APP: variants seen among roughly 807,000 people sequenced by gnomAD.
APP encodes the protein amyloid-beta precursor protein.
Under a neutral mutation model 101.4 loss-of-function variants are expected in APP, and 31 were observed. The observed-to-expected ratio is 0.31, with a 90% confidence interval of 0.23 to 0.41. The LOEUF (loss-of-function observed/expected upper bound fraction) is 0.41. Among genes scored for constraint, APP ranks in the 10% least tolerant of loss-of-function variants. The pLI is 1.00. For missense variants in APP, 839 were observed against 1,003.7 expected (o/e 0.84, Z 2.22); for synonymous variants, 366 against 364.4 (o/e 1.00, Z -0.05).
chr21:25,947,005 A>G (rs992276973), intron 13 of APP, among the ~76,000 whole-genome samples: 6 of 152,234 alleles, frequency 3.9e-5, no homozygotes, highest in Non-Finnish European at 7.3e-5. Context: ...TAGAAAGTGT[A>G]TTCTTTTTAA....
At chr21:26,161,358 A>G (rs2063489083) in intron 1 of APP, among the ~76,000 whole-genome samples, 1 of 152,202 alleles carries the variant, frequency 6.6e-6, no homozygotes, top group South Asian at 2.1e-4. Flanking sequence ...ACAATACTAC[A>G]GAAACTATTG....
At chr21:26,058,525 G>A (rs1378670383) in intron 3 of APP, among the ~76,000 whole-genome samples, 6 of 152,188 alleles carry the variant, frequency 3.9e-5, no homozygotes, top group Admixed American at 3.9e-4. Context: ...CTTTTCAAAA[G>A]ACAGACAGAA....
chr21:25,991,200 C>T (rs1035991543), intron 8 of APP, among the ~76,000 whole-genome samples: 3 of 151,126 alleles, frequency 2.0e-5, no homozygotes, highest in Non-Finnish European at 4.4e-5. Flanking sequence ...TAAAAAACTA[C>T]GTATTGGGTA....
chr21:25,911,546 ATATAT>A (rs2039068790), intron 14 of APP, among the ~76,000 whole-genome samples, 190 bp downstream of exon 14: 1 of 152,208 alleles, frequency 6.6e-6, no homozygotes, highest in East Asian at 1.9e-4. Context: ...ATTTACACAG[ATATAT>A]TATTTTAATG....
chr21:26,014,061 A>G (rs759240722), intron 6 of APP, among the ~76,000 whole-genome samples: 1 of 152,280 alleles, frequency 6.6e-6, no homozygotes, highest in East Asian at 1.9e-4. Context: ...TTCAAAACAC[A>G]AAGGTAAAGG....
At chr21:25,909,246 G>A (rs181007587) in intron 14 of APP, among the ~76,000 whole-genome samples, 2,105 of 132,058 alleles carry the variant, frequency 0.016, 21 homozygotes, top group Middle Eastern at 0.054. Flanking sequence ...CAGCCTGGGC[G>A]ACAGAGCGAG....
intron 3 of APP, among the ~76,000 whole-genome samples, chr21:26,070,397 A>T (rs2046625344): frequency 6.6e-6 from 1 of 152,188 alleles, no homozygotes; most frequent in Non-Finnish European, 1.5e-5. Flanking sequence ...AAGAAGGTTT[A>T]AGTACATTAA....
At chr21:26,094,689 A>G (rs1411957312) in intron 2 of APP, among the ~76,000 whole-genome samples, 1 of 150,968 alleles carries the variant, frequency 6.6e-6, no homozygotes, top group African/African-American at 2.4e-5. Context: ...ATTTCATCAG[A>G]AATACAAATG....
chr21:25,914,994 T>A (rs2039283520), intron 13 of APP, among the ~76,000 whole-genome samples: 1 of 152,244 alleles, frequency 6.6e-6, no homozygotes. Flanking sequence ...GTTTGGTTCC[T>A]GAAATCTTAG....
chr21:26,099,262 C>A (rs1232733656), intron 2 of APP, among the ~76,000 whole-genome samples: 2 of 151,874 alleles, frequency 1.3e-5, no homozygotes, highest in Non-Finnish European at 2.9e-5. Context: ...ATGCTCTATA[C>A]CAAATTGTTT....
chr21:26,170,749 T>A lies in APP; in HGVS notation c.-129A>T. The A allele has an allele frequency of 9.9e-7, 1 of 1,005,214 alleles. No homozygotes were observed. The highest frequency in any genetic ancestry group is 1.4e-6 in the Non-Finnish European group (1 of 735,538). 62.3% of individuals were successfully genotyped at this position (1,005,214 alleles called of 1,614,324 possible). ...GCACGCTCCTCCGCGTGCTCTCGCC[T>A]ACCGCTGCCGAGGAAACTGACGGAG... On this transcript the variant is annotated 5_prime_UTR_variant, in exon 1 of 18. Transcript: ENST00000346798.
At chr21:26,090,276 G>A (rs752053938) in intron 2 of APP, among the ~76,000 whole-genome samples, 12 of 152,168 alleles carry the variant, frequency 7.9e-5, no homozygotes, top group Admixed American at 2.0e-4. Flanking sequence ...TCTGGAATCC[G>A]GAAAGTCCAA....
chr21:26,030,911 G>A (rs1207679998), intron 5 of APP, among the ~76,000 whole-genome samples: 1 of 152,200 alleles, frequency 6.6e-6, no homozygotes, highest in East Asian at 1.9e-4. Flanking sequence ...CTGCTCTGGA[G>A]TCTAGGGATG....
intron 6 of APP, among the ~76,000 whole-genome samples, chr21:26,013,304 A>G (rs2043901210): frequency 6.6e-6 from 1 of 152,188 alleles, no homozygotes; most frequent in African/African-American, 2.4e-5. Context: ...GCGACAAACA[A>G]AAACTCCATC....
chr21:26,079,107 A>C (rs2061549169), intron 3 of APP, among the ~76,000 whole-genome samples: 1 of 152,026 alleles, frequency 6.6e-6, no homozygotes, highest in South Asian at 2.1e-4. Flanking sequence ...GCTTTGGAAA[A>C]TGACACGATG....
intron 1 of APP, among the ~76,000 whole-genome samples, chr21:26,125,467 GCCAAGA>G (rs906664194): frequency 7.0e-4 from 107 of 152,280 alleles, no homozygotes; most frequent in African/African-American, 2.5e-3. Flanking sequence ...GTACTGCACA[GCCAAGA>G]CTACGGTCTG....
At chr21:26,004,275 CTTTTTTTTTTTTTT>C (rs71183538) in intron 6 of APP, among the ~76,000 whole-genome samples, 1 of 72,796 alleles carries the variant, frequency 1.4e-5, no homozygotes, top group Admixed American at 2.0e-4. Context: ...TGTATTAATT[CTTTTTTTTTTTTTT>C]TTTTTTTTTT....
At chr21:25,969,508 C>T (rs183080223) in intron 11 of APP, among the ~76,000 whole-genome samples, 64 of 152,036 alleles carry the variant, frequency 4.2e-4, no homozygotes, top group Non-Finnish European at 1.3e-4. Flanking sequence ...CCCCTAGACT[C>T]CAGGCCTGTG....
At chr21:26,036,953 T>C (rs1469467118) in intron 5 of APP, among the ~76,000 whole-genome samples, 2 of 151,936 alleles carry the variant, frequency 1.3e-5, no homozygotes, top group African/African-American at 2.4e-5. Flanking sequence ...AAGAGACTAA[T>C]GGATGAAGAA....
Sources: gnomAD v4.1 joint callset for allele counts (sites outside exome capture counted in the v4.1 genomes callset) on GRCh38, gnomAD v4.1.1 for gene constraint, MANE v1.5 for transcripts, NCBI Gene and HGNC (gene_info 2026-07-23, HGNC 2026-07-21) for gene names.